Variants in MRPS22 observed in about 807,000 individuals in gnomAD.
The protein encoded by MRPS22 is mitochondrial ribosomal protein S22, also known as small ribosomal subunit protein mS22.
In MRPS22, 30 loss-of-function variants were observed where a neutral mutation model predicts 44.0. That is an observed-to-expected ratio of 0.68 (90% CI 0.51 to 0.93). The LOEUF (loss-of-function observed/expected upper bound fraction) is 0.93, where lower values mean the gene tolerates loss of function less well. Ranked by LOEUF, MRPS22 falls within the 40% of genes least tolerant of loss-of-function variation. MRPS22 has a pLI of 0.00. For missense variants in MRPS22, 447 were observed against 447.8 expected (o/e 1.00, Z 0.02); for synonymous variants, 165 against 154.4 (o/e 1.07, Z -0.51).
At position 139,352,679 on chromosome 3, in the gene MRPS22, A is replaced by C. The variant is rs1319273788; in HGVS notation, c.765A>C (p.Lys255Asn). Residue 255 changes from lysine to asparagine, a missense_variant, in exon 6 of 8, where the codon AAA (lysine) becomes AAC (asparagine). Physicochemically the swap from Lys to Asn is moderately conservative, Grantham distance 94. Coordinates refer to ENST00000680020, the MANE Select transcript of MRPS22 (RefSeq NM_020191.4). ...VHHKTYEDID[K>N]RGKYDLLRST... Reference sequence around the variant, plus strand: ...ACAAGACCTATGAAGATATAGATAAACGTGGAAAATATGACCTTTTACGTT... The same window carrying C: ...ACAAGACCTATGAAGATATAGATAACCGTGGAAAATATGACCTTTTACGTT... The C allele has an allele frequency of 1.9e-6, 3 of 1,613,510 alleles. No homozygotes were observed. In the Admixed American group the frequency reaches 5.0e-5, roughly 27 times the overall value.
intron 1 of MRPS22, 22 bp downstream of exon 1, chr3:139,344,220 C>T (rs377669784): frequency 1.9e-6 from 3 of 1,586,774 alleles, no homozygotes; most frequent in Non-Finnish European, 1.7e-6. Flanking sequence ...TCCGGACTTT[C>T]GCTGGGGCGT....
intron 1 of MRPS22, chr3:139,344,648 C>T: frequency 1.5e-6 from 1 of 684,654 alleles, no homozygotes; most frequent in Non-Finnish European, 2.6e-6. Flanking sequence ...AGAAGCTTCT[C>T]AAGCATAGGG....
chr3:139,347,825 AT>A (rs1245347984), intron 2 of MRPS22, among the ~76,000 whole-genome samples: 2 of 152,256 alleles, frequency 1.3e-5, no homozygotes, highest in Middle Eastern at 3.2e-3. Context: ...AGCCAAATAC[AT>A]TTAGACTGTT....
chr3:139,348,192 A>G lies in MRPS22; in HGVS notation c.372A>G (p.Val124=). The change falls in exon 3 of 8, where the codon GTA becomes GTG. Residue 124 remains valine (V), a synonymous_variant. Transcript: ENST00000680020. ...GACAGGCAGTTGAGGCAGCTAAAGT[A>G]CGATTAAAAATGCCACCAGTTCTGG... is the stretch of plus-strand genomic sequence containing the variant. ...ATRQAVEAAK[V]RLKMPPVLEE... 7 of 1,614,182 alleles carry G rather than the reference A, an allele frequency of 4.3e-6. No homozygotes were observed. Among genetic ancestry groups the G allele is most frequent in the Non-Finnish European group, 5.9e-6 (7 of 1,180,014 alleles).
intron 6 of MRPS22, among the ~76,000 whole-genome samples, chr3:139,354,769 G>C (rs1031851532): frequency 6.6e-6 from 1 of 152,138 alleles, no homozygotes; most frequent in Non-Finnish European, 1.5e-5. Flanking sequence ...CACTGAATTA[G>C]GGTGTCCTCA....
chr3:139,349,453 C>A, intron 3 of MRPS22: 1 of 322,322 alleles, frequency 3.1e-6, no homozygotes, highest in African/African-American at 2.2e-5. Flanking sequence ...CAATTATCAG[C>A]AATGTGCAAA....
chr3:139,350,789 TTC>T, intron 4 of MRPS22, 186 bp from the exon 5 acceptor site: 1 of 645,584 alleles, frequency 1.5e-6, no homozygotes, highest in Non-Finnish European at 2.8e-6. Context: ...TGTACTAGGG[TTC>T]TCTCATAATT....
At position 139,348,416 on chromosome 3, in the gene MRPS22, C is replaced by G. The variant is rs77869711; in HGVS notation, c.504+92C>G. On this transcript the variant is annotated intron_variant, in intron 3 of 7. Transcript: ENST00000680020. ...TGATGTGACCTGGCTGTCTCTGATG[C>G]GTCCAAACCAGATTTCCTCTGACTG... 1.3e-5 allele frequency: 17 copies of G among 1,307,556 alleles called. No individual in the cohort carries two copies. The African/African-American group carries it at 2.2e-4, about 17-fold the overall frequency. 81.0% of individuals were successfully genotyped at this position (1,307,556 alleles called of 1,614,324 possible). A position where few individuals can be genotyped will look rare whatever the true frequency, so the allele number is the denominator to read the frequency against.
intron 1 of MRPS22, among the ~76,000 whole-genome samples, chr3:139,345,053 G>A (rs1941013380): frequency 6.6e-6 from 1 of 152,184 alleles, no homozygotes; most frequent in Non-Finnish European, 1.5e-5. Context: ...TGAGACTGAG[G>A]AGAGAGTAGT....
chr3:139,346,931 C>T lies in MRPS22; in HGVS notation c.226C>T (p.Gln76Ter). The change falls in exon 2 of 8, where the codon CAA (glutamine) becomes TAA (stop). Residue 76 changes from glutamine (Q) to a stop codon, truncating the protein, a stop_gained. Coordinates refer to ENST00000680020, the MANE Select transcript of MRPS22 (RefSeq NM_020191.4). LOFTEE classifies it high-confidence loss of function. ...KKPTFMDEEV[Q>*]SILTKMTGLN... ...ACCTACATTTATGGATGAGGAAGTT[C>T]AAAGCATACTCACGAAAATGACAGG... 2.5e-6 allele frequency: 4 copies of T among 1,614,116 alleles called. No individual in the cohort carries two copies. The East Asian group carries it at 8.9e-5, about 36-fold the overall frequency.
In MRPS22 at chr3:139,357,033, T is replaced by TTTA; in HGVS notation, c.*22_*24dup. On this transcript the variant is annotated 3_prime_UTR_variant, in exon 8 of 8. Coordinates refer to ENST00000680020, the MANE Select transcript of MRPS22 (RefSeq NM_020191.4). Reference sequence around the variant, plus strand: ...TTCCTAAAAATATTTTAAAAATACATTTATTTTACTAAATACTGACTACAT... The same window carrying TTTA: ...TTCCTAAAAATATTTTAAAAATACATTTATTATTTTACTAAATACTGACTACAT... 1.3e-6 allele frequency: 2 copies of TTTA among 1,525,542 alleles called. No homozygotes were observed. The highest frequency in any genetic ancestry group is 1.8e-6 in the Non-Finnish European group (2 of 1,105,296). 94.5% of individuals were successfully genotyped at this position (1,525,542 alleles called of 1,614,324 possible). A position where few individuals can be genotyped will look rare whatever the true frequency, so the allele number is the denominator to read the frequency against.
In MRPS22 at chr3:139,348,259, AT is replaced by A; in HGVS notation, c.443del (p.Leu148TrpfsTer45). 6.2e-7 allele frequency: 1 copy of A among 1,614,132 alleles called. No homozygotes were observed. On this transcript the variant is annotated frameshift_variant, in exon 3 of 8. Transcript: ENST00000680020. LOFTEE classifies it high-confidence loss of function. ...PINDVLAEDK[I>X]LEGTETTKYV... ...AAATGATGTGTTAGCTGAAGATAAG[AT>A]TTTGGAAGGAACAGAAACAACCAAA...
Position 139,348,287 on chromosome 3 carries a change from A to G in MRPS22, c.467A>G (p.Tyr156Cys). 7 of 1,614,086 alleles carry G rather than the reference A, an allele frequency of 4.3e-6. No individual in the cohort carries two copies. The highest frequency in any genetic ancestry group is 3.3e-4 in the Middle Eastern group (2 of 6,062). ...KILEGTETTK[Y>C]VFTDISYSIP... ...TTGGAAGGAACAGAAACAACCAAAT[A>G]TGTGTTTACTGATATATCATATAGC... The change falls in exon 3 of 8, where the codon TAT becomes TGT. Residue 156 changes from tyrosine to cysteine, a missense_variant. By Grantham distance (194) the Tyr-to-Cys change is radical. Transcript: ENST00000680020.
intron 6 of MRPS22, among the ~76,000 whole-genome samples, chr3:139,353,545 G>A (rs1360262464): frequency 6.6e-6 from 1 of 152,146 alleles, no homozygotes; most frequent in Admixed American, 6.5e-5. Context: ...GTTAGTTTTT[G>A]ACTCGCAGAG....
In MRPS22 at chr3:139,346,927, A is replaced by G. The variant is rs748454861; in HGVS notation, c.222A>G (p.Glu74=). 9 of 1,614,178 alleles carry G rather than the reference A, an allele frequency of 5.6e-6. No individual in the cohort carries two copies. The Admixed American group carries it at 1.2e-4, about 21-fold the overall frequency. ...AGAAACCTACATTTATGGATGAGGA[A>G]GTTCAAAGCATACTCACGAAAATGA... is the stretch of plus-strand genomic sequence containing the variant. ...ETKKPTFMDE[E]VQSILTKMTG... Residue 74 remains glutamate (E), a synonymous_variant, in exon 2 of 8, where the codon GAA becomes GAG. Coordinates refer to ENST00000680020, the MANE Select transcript of MRPS22 (RefSeq NM_020191.4).
intron 1 of MRPS22, among the ~76,000 whole-genome samples, chr3:139,345,953 C>G (rs1490049161): frequency 1.3e-5 from 2 of 152,134 alleles, no homozygotes; most frequent in Non-Finnish European, 2.9e-5. Context: ...GGACATCGTT[C>G]AGAATCTGTA....
In MRPS22 at chr3:139,344,146, A is replaced by G. The variant is rs1940989631; in HGVS notation, c.120A>G (p.Leu40=). 3.1e-6 allele frequency: 5 copies of G among 1,613,190 alleles called. No individual in the cohort carries two copies. Among genetic ancestry groups the G allele is most frequent in the South Asian group, 2.2e-5 (2 of 90,906 alleles). Residue 40 remains leucine, a synonymous_variant, in exon 1 of 8, where the codon CTA becomes CTG. Coordinates refer to ENST00000680020, the MANE Select transcript of MRPS22 (RefSeq NM_020191.4). ...QPWHGGLLQP[L]PCSFEMGLPR... ...GGCACGGTGGCCTGCTCCAACCGCT[A>G]CCTTGCTCTTTCGAGATGGGGCTGC...
At chr3:139,350,420 G>T in intron 4 of MRPS22, 98 bp downstream of exon 4, 1 of 1,372,450 alleles carries the variant, frequency 7.3e-7, no homozygotes, top group Non-Finnish European at 1.0e-6. Context: ...CATTTCTAAT[G>T]ATAACTTGAC....
At chr3:139,356,220 G>C (rs149676228) in intron 7 of MRPS22, among the ~76,000 whole-genome samples, 2 of 152,186 alleles carry the variant, frequency 1.3e-5, no homozygotes, top group African/African-American at 4.8e-5. Flanking sequence ...GTCAAGAAGT[G>C]GAGAGTGTGA....
Sources: gnomAD v4.1 joint callset for allele counts (sites outside exome capture counted in the v4.1 genomes callset) on GRCh38, gnomAD v4.1.1 for gene constraint, MANE v1.5 for transcripts, NCBI Gene and HGNC (gene_info 2026-07-23, HGNC 2026-07-21) for gene names.